Variants in PXN observed in about 807,000 individuals in gnomAD.
PXN encodes paxillin, also known as testicular tissue protein Li 134.
A neutral mutation model predicts 103.6 loss-of-function variants in PXN; 61 were observed. The ratio of observed to expected loss-of-function variants is 0.59; its 90% confidence interval spans 0.48 to 0.73. PXN has a LOEUF of 0.73. PXN is among the 30% of genes least tolerant of loss of function. The pLI is 0.00. For missense variants in PXN, 1,274 were observed against 1,460.3 expected, an observed-to-expected ratio of 0.87 and a Z score of 2.08; for synonymous variants, 562 against 607.8, an observed-to-expected ratio of 0.92 and a Z score of 1.11.
intron 1 of PXN, among the ~76,000 whole-genome samples, chr12:120,257,942 C>T (rs899935105): frequency 6.6e-6 from 1 of 152,184 alleles, no homozygotes; most frequent in African/African-American, 2.4e-5. Flanking sequence ...CCTGTAATCC[C>T]AGCACTTTGG....
rs1344606732 is a variant in PXN, at chr12:120,211,764, G to A, written c.*550C>T. The A allele has an allele frequency of 2.7e-6, 1 of 373,838 alleles. No homozygotes were observed. The highest frequency in any genetic ancestry group is 5.4e-6 in the Non-Finnish European group (1 of 185,652). 23.2% of individuals were successfully genotyped at this position (373,838 alleles called of 1,614,324 possible). ...GGGCAGTCGCCAGGCCTAGGGCACT[G>A]GAAGGGTAGGAGGAGCACAGAGAAC... On this transcript the variant is annotated 3_prime_UTR_variant, in exon 15 of 15. Coordinates refer to ENST00000637617, the MANE Select transcript of PXN (RefSeq NM_001385981.1).
At position 120,215,825 on chromosome 12, in the gene PXN, TGA is replaced by T; in HGVS notation, c.2302-166_2302-165del. Reference sequence around the variant, plus strand: ...GAAAAAATCTGGAGAAAAAGAGCCCTGAGAGAGAGGCCTAGGGAGAAAGGAAG... The same window carrying T: ...GAAAAAATCTGGAGAAAAAGAGCCCTGAGAGAGGCCTAGGGAGAAAGGAAG... On this transcript the variant is annotated intron_variant, in intron 9 of 14. Transcript: ENST00000637617. The surrounding 1 kb of genome is among the most constrained non-coding windows in gnomAD (Gnocchi z 4.9). 7.7e-7 allele frequency: 1 copy of T among 1,294,066 alleles called. No individual in the cohort carries two copies. The highest frequency in any genetic ancestry group is 1.0e-6 in the Non-Finnish European group (1 of 978,458). 80.2% of individuals were successfully genotyped at this position (1,294,066 alleles called of 1,614,324 possible). A position where few individuals can be genotyped will look rare whatever the true frequency, so the allele number is the denominator to read the frequency against.
In PXN at chr12:120,215,077, C is replaced by T. The variant is rs1882219456; in HGVS notation, c.2574+26G>A. 8 of 1,590,586 alleles carry T rather than the reference C, an allele frequency of 5.0e-6. No homozygotes were observed. The East Asian group carries it at 1.4e-4, about 27-fold the overall frequency. ...CACCCCTGCAGGAGTCCACTGGCCA[C>T]ACCCCTGCCCACTCCCCCTCATCAC... is the stretch of plus-strand genomic sequence containing the variant. On this transcript the variant is annotated intron_variant, in intron 11 of 14. Coordinates refer to ENST00000637617, the MANE Select transcript of PXN (RefSeq NM_001385981.1). This position sits in a 1 kb window ranked among gnomAD's most constrained non-coding sequence, Gnocchi z 4.9.
At chr12:120,250,469 G>A (rs189218581) in intron 1 of PXN, among the ~76,000 whole-genome samples, 3 of 152,290 alleles carry the variant, frequency 2.0e-5, no homozygotes, top group East Asian at 3.9e-4. Flanking sequence ...ACCCCATGAG[G>A]CTTTCTGGAT....
rs1347600004 is a variant in PXN at position 120,222,268 on chromosome 12, A to G, written c.695+281T>C. 6.6e-6 allele frequency among the ~76,000 whole-genome samples: 1 copy of G among 152,240 alleles called. No individual in the cohort carries two copies. The highest frequency in any genetic ancestry group is 2.4e-5 in the African/African-American group (1 of 41,464). Reference sequence around the variant, plus strand: ...GGCTTGAGAGCTGACAGTAACTGTCAGAGCCAAGATGTGAACCCCACTGTG... The same window carrying G: ...GGCTTGAGAGCTGACAGTAACTGTCGGAGCCAAGATGTGAACCCCACTGTG... On this transcript the variant is annotated intron_variant, in intron 5 of 14. Coordinates refer to ENST00000637617, the MANE Select transcript of PXN (RefSeq NM_001385981.1). The surrounding 1 kb of genome is among the most constrained non-coding windows in gnomAD (Gnocchi z 4.7).
intron 1 of PXN, chr12:120,226,272 C>T (rs950077411): frequency 1.6e-6 from 2 of 1,288,702 alleles, no homozygotes; most frequent in African/African-American, 1.5e-5. Context: ...CTCCCCAGAG[C>T]AGGCAACGAA....
chr12:120,237,855 G>A (rs1414828783), intron 1 of PXN, among the ~76,000 whole-genome samples: 1 of 152,164 alleles, frequency 6.6e-6, no homozygotes, highest in Admixed American at 6.5e-5. Context: ...CCCATCCCAT[G>A]CACAGAAGCT....
In PXN at chr12:120,215,348, A is replaced by G; in HGVS notation, c.2404-75T>C. On this transcript the variant is annotated intron_variant, in intron 10 of 14. Coordinates refer to ENST00000637617, the MANE Select transcript of PXN (RefSeq NM_001385981.1). This position sits in a 1 kb window ranked among gnomAD's most constrained non-coding sequence, Gnocchi z 4.9. ...TGTCTGGCAGCACAGGGATGGGGGT[A>G]CTTTTCTCCCTCCTGGACAGATGAG... 6.6e-7 allele frequency: 1 copy of G among 1,521,974 alleles called. No individual in the cohort carries two copies. The highest frequency in any genetic ancestry group is 8.8e-7 in the Non-Finnish European group (1 of 1,138,830). The allele number at this position is 1,521,974 out of a possible 1,614,324, so 94.3% of individuals were successfully genotyped here.
rs1882739525 is a variant in PXN, at chr12:120,215,836, C to T, written c.2302-175G>A. ...GAGAAAAAGAGCCCTGAGAGAGAGG[C>T]CTAGGGAGAAAGGAAGAAGGACAGG... On this transcript the variant is annotated intron_variant, in intron 9 of 14. Transcript: ENST00000637617. This position sits in a 1 kb window ranked among gnomAD's most constrained non-coding sequence, Gnocchi z 4.9. 3 of 1,291,072 alleles carry T rather than the reference C, an allele frequency of 2.3e-6. No homozygotes were observed. The highest frequency in any genetic ancestry group is 2.8e-5 in the Admixed American group (1 of 36,068). 80.0% of individuals were successfully genotyped at this position (1,291,072 alleles called of 1,614,324 possible). A position where few individuals can be genotyped will look rare whatever the true frequency, so the allele number is the denominator to read the frequency against.
In PXN at chr12:120,212,073, A is replaced by C; in HGVS notation, c.*241T>G. ...GAGCCCCCAGCCTCTACCCCTGGGG[A>C]GGATGGAGAGTGGGCAGCCTAGGGA... On this transcript the variant is annotated 3_prime_UTR_variant, in exon 15 of 15. Coordinates refer to ENST00000637617, the MANE Select transcript of PXN (RefSeq NM_001385981.1). The surrounding 1 kb of genome is among the most constrained non-coding windows in gnomAD (Gnocchi z 7.2). 3 of 728,630 alleles carry C rather than the reference A, an allele frequency of 4.1e-6. No individual in the cohort carries two copies. The highest frequency in any genetic ancestry group is 5.0e-6 in the Non-Finnish European group (2 of 398,960). 45.1% of individuals were successfully genotyped at this position (728,630 alleles called of 1,614,324 possible). A position where few individuals can be genotyped will look rare whatever the true frequency, so the allele number is the denominator to read the frequency against.
intron 1 of PXN, among the ~76,000 whole-genome samples, chr12:120,259,787 TCAGGGCCCATCC>T (rs1566439579): frequency 6.6e-6 from 1 of 152,196 alleles, no homozygotes; most frequent in Non-Finnish European, 1.5e-5. Flanking sequence ...CGATGGAGTC[TCAGGGCCCATCC>T]CAGGTGAGGA....
chr12:120,213,834 C>T lies in PXN; in HGVS notation c.2979+8G>A, dbSNP rs765879861. On this transcript the variant is annotated splice_region_variant and intron_variant, in intron 14 of 14. Coordinates refer to ENST00000637617, the MANE Select transcript of PXN (RefSeq NM_001385981.1). This position sits in a 1 kb window ranked among gnomAD's most constrained non-coding sequence, Gnocchi z 4.2. ...TCGCCCCTCCAGATGTGGTCAGGGG[C>T]TCCTTACCCGGCACACAAAGCACTC... is the stretch of plus-strand genomic sequence containing the variant. 6.2e-7 allele frequency: 1 copy of T among 1,608,268 alleles called. No homozygotes were observed.
Position 120,214,254 on chromosome 12 carries a change from G to A in PXN, c.2749-37C>T. On this transcript the variant is annotated intron_variant, in intron 12 of 14. Coordinates refer to ENST00000637617, the MANE Select transcript of PXN (RefSeq NM_001385981.1). The surrounding 1 kb of genome is among the most constrained non-coding windows in gnomAD (Gnocchi z 5.0). ...AAATGTGGGATCAAGGCTGAGCTCT[G>A]GGCAGATCTCACAACTGAGACGCCC... 6.5e-7 allele frequency: 1 copy of A among 1,531,164 alleles called. No individual in the cohort carries two copies. The highest frequency in any genetic ancestry group is 8.9e-7 in the Non-Finnish European group (1 of 1,129,028). The allele number at this position is 1,531,164 out of a possible 1,614,324, so 94.8% of individuals were successfully genotyped here. A position where few individuals can be genotyped will look rare whatever the true frequency, so the allele number is the denominator to read the frequency against.
chr12:120,223,351 G>A (rs989771863), intron 3 of PXN, among the ~76,000 whole-genome samples: 15 of 152,010 alleles, frequency 9.9e-5, no homozygotes, highest in African/African-American at 3.1e-4. Flanking sequence ...GGAGAATGGC[G>A]TGAACCCAGG....
intron 1 of PXN, among the ~76,000 whole-genome samples, chr12:120,250,914 G>A (rs1382772035): frequency 6.6e-6 from 1 of 152,170 alleles, no homozygotes; most frequent in East Asian, 1.9e-4. Flanking sequence ...GCTTAAATTC[G>A]AAGAGTGGGC....
Position 120,224,400 on chromosome 12 carries a change from G to A in PXN, c.14-23C>T, listed in dbSNP as rs765440272. 3.2e-6 allele frequency: 5 copies of A among 1,577,382 alleles called. No individual in the cohort carries two copies. Among genetic ancestry groups the A allele is most frequent in the Non-Finnish European group, 4.4e-6 (5 of 1,147,250 alleles). ...CGTCTGCAAAGAGAAGGCACGGGTA[G>A]CAGGTGAGAACCGGGATCCTGGGGA... On this transcript the variant is annotated intron_variant, in intron 1 of 14. Coordinates refer to ENST00000637617, the MANE Select transcript of PXN (RefSeq NM_001385981.1). This position sits in a 1 kb window ranked among gnomAD's most constrained non-coding sequence, Gnocchi z 5.0.
Position 120,219,927 on chromosome 12 carries a change from A to T in PXN, c.996T>A (p.Cys332Ter). 1 of 1,597,830 alleles carries T rather than the reference A, an allele frequency of 6.3e-7. No homozygotes were observed. The highest frequency in any genetic ancestry group is 8.5e-7 in the Non-Finnish European group (1 of 1,179,262). ...GAAGGCCTCGTCCACTCTGCTCAGT[A>T]CAAGGGAACTCCGGAGTGTGGCCCT... The part of the protein sequence containing the change: ...RGQGHTPEFP[C>*]TEQSGRGLLP... The change falls in exon 7 of 15, where the codon TGT (cysteine) becomes TGA (stop). Residue 332 changes from cysteine (C) to a stop codon, truncating the protein, a stop_gained. Transcript: ENST00000637617. LOFTEE classifies it high-confidence loss of function. This position sits in a 1 kb window ranked among gnomAD's most constrained non-coding sequence, Gnocchi z 6.5.
chr12:120,241,674 AGGT>A (rs1357954174), intron 1 of PXN, among the ~76,000 whole-genome samples: 1 of 152,230 alleles, frequency 6.6e-6, no homozygotes, highest in Non-Finnish European at 1.5e-5. Context: ...TTCCAGGCAG[AGGT>A]GGAAAACAGC....
Position 120,212,669 on chromosome 12 carries a change from C to G in PXN, c.2980-89G>C, listed in dbSNP as rs544599946. On this transcript the variant is annotated intron_variant, in intron 14 of 14. Coordinates refer to ENST00000637617, the MANE Select transcript of PXN (RefSeq NM_001385981.1). The surrounding 1 kb of genome is among the most constrained non-coding windows in gnomAD (Gnocchi z 7.2). ...GGGGCCGAGGTGGGCATAGTCGGCA[C>G]GCTCGGAGTGACTCCTACTTGCTAG... 37 of 1,478,710 alleles carry G rather than the reference C, an allele frequency of 2.5e-5. No homozygotes were observed. In the South Asian group the frequency reaches 4.7e-4, roughly 19 times the overall value. The allele number at this position is 1,478,710 out of a possible 1,614,324, so 91.6% of individuals were successfully genotyped here.
Sources: gnomAD v4.1 joint callset for allele counts (sites outside exome capture counted in the v4.1 genomes callset) on GRCh38, gnomAD v4.1.1 for gene constraint, Gnocchi (gnomAD v3.1) non-coding constraint, MANE v1.5 for transcripts, NCBI Gene and HGNC (gene_info 2026-07-23, HGNC 2026-07-21) for gene names.